Variants in ARAP3 observed in about 807,000 individuals in gnomAD.
The protein encoded by ARAP3 is ArfGAP with RhoGAP domain, ankyrin repeat and PH domain 3.
A neutral mutation model predicts 169.2 loss-of-function variants in ARAP3; 82 were observed. That is an observed-to-expected ratio of 0.48 (90% CI 0.41 to 0.58). The LOEUF is 0.58. Ranked by LOEUF, ARAP3 falls within the 20% of genes least tolerant of loss-of-function variation. The pLI is 0.00. For synonymous variants in ARAP3, 791 were observed against 800.3 expected (o/e 0.99, Z 0.20); for missense variants, 1,764 against 2,018.0 (o/e 0.87, Z 2.41).
intron 3 of ARAP3, 22 bp from the exon 4 acceptor site, chr5:141,679,678 G>C (rs376793312): frequency 1.9e-6 from 3 of 1,613,734 alleles, no homozygotes; most frequent in Non-Finnish European, 2.5e-6. Context: ...AGAGGGGAAC[G>C]CACAAGGAAG....
intron 18 of ARAP3, 105 bp downstream of exon 18, chr5:141,665,206 G>A (rs923327197): frequency 6.4e-7 from 1 of 1,569,166 alleles, no homozygotes; most frequent in East Asian, 2.2e-5. Flanking sequence ...CTGGAGCAAG[G>A]GAAGAAACTT....
chr5:141,670,768 G>A, intron 13 of ARAP3, 140 bp from the exon 14 acceptor site: 2 of 702,618 alleles, frequency 2.8e-6, no homozygotes, highest in Non-Finnish European at 5.0e-6. Context: ...CAATGGAGCT[G>A]GATCCCTCAC....
intron 19 of ARAP3, among the ~76,000 whole-genome samples, chr5:141,662,622 C>T (rs894554752): frequency 4.6e-5 from 7 of 152,210 alleles, no homozygotes; most frequent in African/African-American, 1.7e-4. Flanking sequence ...ATACTTTTGG[C>T]ATTTTCATCA....
chr5:141,661,620 G>T, intron 21 of ARAP3, 64 bp downstream of exon 21: 1 of 1,431,620 alleles, frequency 7.0e-7, no homozygotes, highest in Non-Finnish European at 9.8e-7. Flanking sequence ...ATGAATAAAT[G>T]AATGAAAGTG....
intron 17 of ARAP3, among the ~76,000 whole-genome samples, chr5:141,665,862 C>T (rs950568396): frequency 3.9e-5 from 6 of 151,954 alleles, no homozygotes; most frequent in Admixed American, 1.3e-4. Flanking sequence ...GAAACCCCTT[C>T]TCTACTAAAA....
chr5:141,665,022 G>T lies in ARAP3; in HGVS notation c.2700C>A (p.Gly900=), dbSNP rs769345242. The T allele has an allele frequency of 6.2e-7, 1 of 1,613,842 alleles. No homozygotes were observed. Among genetic ancestry groups the T allele is most frequent in the East Asian group, 2.2e-5 (1 of 44,886 alleles). The change falls in exon 19 of 33, where the codon GGC becomes GGA. Residue 900 remains glycine, a synonymous_variant. Transcript: ENST00000239440. The part of the protein sequence containing the change: ...DFTAWNAAIG[G]AAGGGGTGLQ... ...GCCCTGTGCCGCCCCCACCAGCCGC[G>T]CCCCCAATGGCTGCGTTCCATGCCG...
Position 141,662,072 on chromosome 5 carries a change from C to A in ARAP3, c.2984G>T (p.Arg995Leu). The A allele has an allele frequency of 1.2e-6, 2 of 1,614,146 alleles. No individual in the cohort carries two copies. The highest frequency in any genetic ancestry group is 1.7e-6 in the Non-Finnish European group (2 of 1,180,030). The change falls in exon 20 of 33, where the codon CGG becomes CTG. Residue 995 changes from arginine (R) to leucine (L), a missense_variant. Around this residue, in one of 3 missense-constraint regions of ARAP3, gnomAD observed 1,112 missense variants for 1,285.7 expected, o/e 0.86. Coordinates refer to ENST00000239440, the MANE Select transcript of ARAP3 (RefSeq NM_022481.6). Reference sequence around the variant, plus strand: ...AGCCTCCCTCCAGCGAGGCAGCAACCGTGCAGAGGTCACAGGGTCATCGAG... The same window carrying A: ...AGCCTCCCTCCAGCGAGGCAGCAACAGTGCAGAGGTCACAGGGTCATCGAG... Reference protein sequence around the residue: ...RELDDPVTSARLLPRWREAAE... With the variant: ...RELDDPVTSALLLPRWREAAE...
At chr5:141,661,496 C>T (rs1414136845) in intron 21 of ARAP3, among the ~76,000 whole-genome samples, 188 bp downstream of exon 21, 4 of 152,216 alleles carry the variant, frequency 2.6e-5, no homozygotes, top group Admixed American at 6.5e-5. Flanking sequence ...GCTAGAATGA[C>T]GGCACCAGAT....
At chr5:141,667,589 G>T (rs920271779) in intron 16 of ARAP3, among the ~76,000 whole-genome samples, 1 of 150,462 alleles carries the variant, frequency 6.6e-6, no homozygotes, top group African/African-American at 2.4e-5. Flanking sequence ...GCTAATGTCT[G>T]GCTAATTTTT....
intron 29 of ARAP3, 54 bp from the exon 30 acceptor site, chr5:141,655,986 T>A: frequency 6.2e-7 from 1 of 1,613,604 alleles, no homozygotes; most frequent in Non-Finnish European, 8.5e-7. Context: ...GCTATAGGAA[T>A]GGAGCATACA....
In ARAP3 at chr5:141,654,364, C is replaced by T. The variant is rs753270546; in HGVS notation, c.4221G>A (p.Val1407=). 6.2e-7 allele frequency: 1 copy of T among 1,613,822 alleles called. No homozygotes were observed. The change falls in exon 33 of 33, where the codon GTG becomes GTA. Residue 1407 remains valine (V), a synonymous_variant. Transcript: ENST00000239440. ...ELEEPVYEEP[V]YEEVGAFPEL... ...CAGGGAAGGCCCCTACTTCCTCATA[C>T]ACTGGCTCCTCGTACACAGGCTCCT...
At chr5:141,667,960 T>A (rs2099910894) in intron 16 of ARAP3, among the ~76,000 whole-genome samples, 1 of 151,842 alleles carries the variant, frequency 6.6e-6, no homozygotes, top group Non-Finnish European at 1.5e-5. Flanking sequence ...GAGAATCGCT[T>A]GAACCCAAGA....
At position 141,659,437 on chromosome 5, in the gene ARAP3, T is replaced by C. The variant is rs2099909652; in HGVS notation, c.3307A>G (p.Ser1103Gly). The change falls in exon 23 of 33, where the codon AGT becomes GGT. Residue 1103 changes from serine to glycine, a missense_variant. Ser to Gly is a moderately conservative substitution (Grantham distance 56, BLOSUM62 0). Around this residue, in one of 3 missense-constraint regions of ARAP3, gnomAD observed 1,112 missense variants for 1,285.7 expected, o/e 0.86. Coordinates refer to ENST00000239440, the MANE Select transcript of ARAP3 (RefSeq NM_022481.6). ...DQVAQIDLEV[S>G]LITTWKDVQL... ...ACGTCCTTCCAGGTGGTGATAAGACTGACCTCCAAGTCAATCTGAGCTACC... is the reference window on the plus strand; with the variant it reads ...ACGTCCTTCCAGGTGGTGATAAGACCGACCTCCAAGTCAATCTGAGCTACC... The C allele has an allele frequency of 1.9e-6, 3 of 1,614,112 alleles. No homozygotes were observed. The African/African-American group carries it at 4.0e-5, about 22-fold the overall frequency.
At chr5:141,655,840 C>T in intron 30 of ARAP3, 29 bp downstream of exon 30, 1 of 1,613,974 alleles carries the variant, frequency 6.2e-7, no homozygotes, top group Non-Finnish European at 8.5e-7. Flanking sequence ...GACCACAGAC[C>T]CAGCCCTCAG....
chr5:141,672,958 T>C lies in ARAP3; in HGVS notation c.1094-33A>G. 1 of 1,611,314 alleles carries C rather than the reference T, an allele frequency of 6.2e-7. No homozygotes were observed. The highest frequency in any genetic ancestry group is 8.5e-7 in the Non-Finnish European group (1 of 1,178,830). On this transcript the variant is annotated intron_variant, in intron 7 of 32. Coordinates refer to ENST00000239440, the MANE Select transcript of ARAP3 (RefSeq NM_022481.6). The surrounding 1 kb of genome is among the most constrained non-coding windows in gnomAD (Gnocchi z 4.9). ...GGATGGAGAAGCAGGTCAGTGGCTG[T>C]TGCTCACACAGCCTCCCTCCCTCCT...
At chr5:141,668,720 G>C (rs966621169) in intron 16 of ARAP3, among the ~76,000 whole-genome samples, 5 of 152,222 alleles carry the variant, frequency 3.3e-5, no homozygotes, top group Non-Finnish European at 7.3e-5. Flanking sequence ...GGGGTCAAAA[G>C]CCAGAGCAGT....
At chr5:141,674,155 G>A (rs947852728) in intron 4 of ARAP3, among the ~76,000 whole-genome samples, 1 of 151,976 alleles carries the variant, frequency 6.6e-6, no homozygotes, top group African/African-American at 2.4e-5. Flanking sequence ...TAGAGACGGG[G>A]TTTCTCCATG....
chr5:141,671,476 A>G lies in ARAP3; in HGVS notation c.1855-76T>C. 6.2e-7 allele frequency: 1 copy of G among 1,600,962 alleles called. No homozygotes were observed. Among genetic ancestry groups the G allele is most frequent in the Non-Finnish European group, 8.5e-7 (1 of 1,173,990 alleles). On this transcript the variant is annotated intron_variant, in intron 12 of 32. Coordinates refer to ENST00000239440, the MANE Select transcript of ARAP3 (RefSeq NM_022481.6). The surrounding 1 kb of genome is among the most constrained non-coding windows in gnomAD (Gnocchi z 4.9). The stretch of plus-strand genomic sequence containing the variant: ...CTGGGGACAGTCGTATCATCACTAA[A>G]AACAGTCCCCACCACCCAAGTCTAG...
At chr5:141,681,095 T>A (rs2099912909) in intron 1 of ARAP3, among the ~76,000 whole-genome samples, 1 of 152,158 alleles carries the variant, frequency 6.6e-6, no homozygotes, top group Non-Finnish European at 1.5e-5. Context: ...ACTTCCTTCC[T>A]GTCCCTCCAG....
Sources: gnomAD v4.1 joint callset for allele counts (sites outside exome capture counted in the v4.1 genomes callset) on GRCh38, gnomAD v4.1.1 for gene constraint, gnomAD v4.1.1 regional missense constraint, Gnocchi (gnomAD v3.1) non-coding constraint, MANE v1.5 for transcripts, NCBI Gene and HGNC (gene_info 2026-07-23, HGNC 2026-07-21) for gene names.